The following OR4F16 variants were observed in gnomAD, a reference collection of about 807,000 sequenced individuals.
OR4F16 encodes the protein olfactory receptor family 4 subfamily F member 16.
At chr1:716,034 G>C in the OR4F16 span, among the ~76,000 whole-genome samples, 1 of 141,220 alleles carries the variant, frequency 7.1e-6, no homozygotes, top group Non-Finnish European at 1.5e-5. Flanking sequence ...AGAAATTTCT[G>C]AGTTAAATGG....
chr1:717,289 C>T, the OR4F16 span, among the ~76,000 whole-genome samples: 3 of 151,272 alleles, frequency 2.0e-5, no homozygotes, highest in Non-Finnish European at 4.4e-5. Context: ...ATAACATTAG[C>T]AGCTGATTTC....
chr1:711,979 T>C, the OR4F16 span: 1 of 114,232 alleles, frequency 8.8e-6, no homozygotes, highest in Non-Finnish European at 1.6e-5. Flanking sequence ...ATATCTATTA[T>C]ATATAATATT....
chr1:710,474 CA>C, the OR4F16 span, among the ~76,000 whole-genome samples: 10 of 12,060 alleles, frequency 8.3e-4, no homozygotes, highest in African/African-American at 1.6e-3. Context: ...AAATACTAAA[CA>C]AAGTACACCA....
At chr1:682,506 AT>A (rs1040519268), downstream of OR4F16, among the ~76,000 whole-genome samples, 3 of 132,746 alleles carry the variant, frequency 2.3e-5, 1 homozygote, top group Non-Finnish European at 4.9e-5. Flanking sequence ...GTCCTACAAT[AT>A]TTTACAAGAA....
chr1:701,415 G>GA, the OR4F16 span, among the ~76,000 whole-genome samples: 1 of 149,548 alleles, frequency 6.7e-6, no homozygotes, highest in Non-Finnish European at 1.5e-5. Flanking sequence ...GTCAACTAAA[G>GA]AAAAAAATTA....
At chr1:701,331 G>T in the OR4F16 span, among the ~76,000 whole-genome samples, 1 of 149,904 alleles carries the variant, frequency 6.7e-6, no homozygotes, top group African/African-American at 2.5e-5. Context: ...ATTAGAAAAC[G>T]CTTGCCTGGA....
At chr1:690,034 G>A (rs113952007), upstream of OR4F16, among the ~76,000 whole-genome samples, 2,792 of 113,364 alleles carry the variant, frequency 0.025, 3 homozygotes, top group East Asian at 0.086. Flanking sequence ...GGGATGCTAC[G>A]GACTGTGACA....
the OR4F16 span, among the ~76,000 whole-genome samples, chr1:712,640 TATA>T: frequency 4.4e-3 from 655 of 148,140 alleles, 5 homozygotes; most frequent in African/African-American, 0.014. Context: ...AAAGGAATAA[TATA>T]ATAATTTTAT....
the OR4F16 span, among the ~76,000 whole-genome samples, chr1:714,067 GTA>G: frequency 7.0e-6 from 1 of 142,926 alleles, no homozygotes; most frequent in South Asian, 2.2e-4. Flanking sequence ...ATGTGTGTGT[GTA>G]TATATATAGT....
the OR4F16 span, chr1:702,094 C>T: frequency 2.8e-5 from 4 of 143,686 alleles, no homozygotes; most frequent in Admixed American, 7.1e-5. Context: ...ACCTGTAATC[C>T]CAGCACTTTG....
the OR4F16 span, among the ~76,000 whole-genome samples, chr1:711,165 T>C: frequency 7.3e-6 from 1 of 137,360 alleles, no homozygotes; most frequent in African/African-American, 3.3e-5. Context: ...TATTACAACT[T>C]GAACTGCAGT....
chr1:693,175 G>A, the OR4F16 span, among the ~76,000 whole-genome samples: 42 of 150,118 alleles, frequency 2.8e-4, no homozygotes, highest in African/African-American at 1.0e-3. Flanking sequence ...GAGGTAGGAG[G>A]ACAAGTGCTG....
the OR4F16 span, among the ~76,000 whole-genome samples, chr1:679,997 A>G: frequency 3.0e-5 from 4 of 134,638 alleles, 1 homozygote; most frequent in Admixed American, 2.9e-4. Context: ...ATCCAGCAGC[A>G]TATCAAAAGC....
chr1:680,006 G>T, the OR4F16 span, among the ~76,000 whole-genome samples: 2 of 133,806 alleles, frequency 1.5e-5, no homozygotes, highest in Admixed American at 7.3e-5. Context: ...CATATCAAAA[G>T]CTTGTCCACC....
chr1:692,171 T>C, the OR4F16 span, among the ~76,000 whole-genome samples: 4 of 135,740 alleles, frequency 2.9e-5, no homozygotes, highest in Admixed American at 7.5e-5. Flanking sequence ...GTTCAAGAAG[T>C]GTAACAAATC....
chr1:690,499 T>C (rs1270165774), upstream of OR4F16, among the ~76,000 whole-genome samples: 1,388 of 136,774 alleles, frequency 0.01, no homozygotes, highest in African/African-American at 0.043. Flanking sequence ...CTTAGCTCCA[T>C]ACATTATGGT....
upstream of OR4F16, among the ~76,000 whole-genome samples, chr1:691,318 G>C (rs1191487365): frequency 2.0e-5 from 3 of 151,108 alleles, no homozygotes; most frequent in Non-Finnish European, 3.0e-5. Flanking sequence ...TGATTCTCAG[G>C]TATGGTAATT....
At chr1:696,978 AC>A in the OR4F16 span, among the ~76,000 whole-genome samples, 2 of 117,314 alleles carry the variant, frequency 1.7e-5, no homozygotes, top group South Asian at 5.7e-4. Context: ...AAATATTAAT[AC>A]CATGAAAATA....
chr1:715,556 C>T, the OR4F16 span, among the ~76,000 whole-genome samples: 3 of 82,108 alleles, frequency 3.7e-5, no homozygotes, highest in Admixed American at 1.3e-4. Flanking sequence ...AGAAAACTGG[C>T]CAGGTACTGT....
Sources: allele counts gnomAD v4.1 joint callset (sites outside exome capture counted in the v4.1 genomes callset), GRCh38; gene constraint gnomAD v4.1.1; transcripts MANE v1.5; gene names NCBI Gene and HGNC (gene_info 2026-07-23, HGNC 2026-07-21).